Variants in PEX11G observed in about 807,000 individuals in gnomAD.
PEX11G encodes peroxisomal membrane protein 11C.
A neutral mutation model predicts 22.5 loss-of-function variants in PEX11G; 20 were observed. The ratio of observed to expected loss-of-function variants is 0.89; its 90% CI spans 0.62 to 1.29. The LOEUF is 1.29. Among genes scored for constraint, PEX11G ranks in the 50% most tolerant of loss-of-function variants. The pLI, the probability that PEX11G is intolerant of heterozygous loss-of-function variation, is 0.00. For synonymous variants in PEX11G, 141 were observed against 154.5 expected, an observed-to-expected ratio of 0.91 and a Z score of 0.65; for missense variants, 347 against 331.3, an observed-to-expected ratio of 1.05 and a Z score of -0.37.
At chr19:7,482,330 AGGCCT>A in intron 2 of PEX11G, 119 bp from the exon 3 acceptor site, 1 of 1,158,680 alleles carries the variant, frequency 8.6e-7, no homozygotes, top group East Asian at 2.6e-5. Flanking sequence ...GGCCGTGTCC[AGGCCT>A]GGCAGGCCCC....
Position 7,477,236 on chromosome 19 carries a change from C to CG in PEX11G, c.691dup (p.Arg231ProfsTer59). 1 of 1,543,568 alleles carries CG rather than the reference C, an allele frequency of 6.5e-7. No individual in the cohort carries two copies. Among genetic ancestry groups the CG allele is most frequent in the Non-Finnish European group, 8.7e-7 (1 of 1,149,586 alleles). ...AGTGGCCTCGGCCTGGCCGCCGGCC[C>CG]GGGCCGCCTGGTACATGCTGAGGAT... On this transcript the variant is annotated frameshift_variant, in exon 5 of 5. Coordinates refer to ENST00000221480, the MANE Select transcript of PEX11G (RefSeq NM_080662.4). LOFTEE classifies it low-confidence loss of function (END_TRUNC).
At chr19:7,490,562 A>T (rs1228751658), upstream of PEX11G, among the ~76,000 whole-genome samples, 5 of 122,926 alleles carry the variant, frequency 4.1e-5, no homozygotes, top group African/African-American at 1.6e-4. Flanking sequence ...GATGGTCTTG[A>T]TCTCCTGACC....
At chr19:7,494,625 C>T (rs2021945948) in intron 1 of PEX11G, among the ~76,000 whole-genome samples, 1 of 152,156 alleles carries the variant, frequency 6.6e-6, no homozygotes, top group Admixed American at 6.5e-5. Flanking sequence ...CAGCGTCCCC[C>T]ATCTGGCTAG....
chr19:7,477,110 A>G lies in PEX11G; in HGVS notation c.*92T>C. The G allele has an allele frequency of 8.1e-7, 1 of 1,233,664 alleles. No homozygotes were observed. Among genetic ancestry groups the G allele is most frequent in the Non-Finnish European group, 1.1e-6 (1 of 935,822 alleles). The allele number at this position is 1,233,664 out of a possible 1,614,324, so 76.4% of individuals were successfully genotyped here. A position where few individuals can be genotyped will look rare whatever the true frequency, so the allele number is the denominator to read the frequency against. On this transcript the variant is annotated 3_prime_UTR_variant, in exon 5 of 5. Transcript: ENST00000221480. ...CATGGGTTTCACCACAGGCAGCTCC[A>G]TGAGAGCCCCGGCCCCTGCCCTGGC...
rs750711022 is a variant in PEX11G at position 7,477,389 on chromosome 19, G to T, written c.539C>A (p.Ser180Ter). The change falls in exon 5 of 5, where the codon TCG becomes TAG. Residue 180 changes from serine (S) to a stop codon, truncating the protein, a stop_gained. Transcript: ENST00000221480. LOFTEE classifies it high-confidence loss of function. ...KRRAMEAQMQSEALSLLSNLA... is the reference protein window; with the variant it reads ...KRRAMEAQMQ Reference sequence around the variant, plus strand: ...GTTGCTGAGAAGTGACAGCGCCTCCGACTGCATCTGCGCCTCCATGGCCCT... The same window carrying T: ...GTTGCTGAGAAGTGACAGCGCCTCCTACTGCATCTGCGCCTCCATGGCCCT... 2 of 1,542,366 alleles carry T rather than the reference G, an allele frequency of 1.3e-6. No individual in the cohort carries two copies. Among genetic ancestry groups the T allele is most frequent in the Non-Finnish European group, 1.7e-6 (2 of 1,146,866 alleles).
chr19:7,485,805 C>T (rs2021619769), intron 2 of PEX11G, 33 bp downstream of exon 2: 2 of 1,555,130 alleles, frequency 1.3e-6, no homozygotes, highest in Admixed American at 1.8e-5. Flanking sequence ...CAGGTCCGCA[C>T]CCTACTCCCT....
chr19:7,484,349 G>C (rs773012161), intron 2 of PEX11G, among the ~76,000 whole-genome samples: 43 of 128,850 alleles, frequency 3.3e-4, no homozygotes, highest in Non-Finnish European at 5.7e-4. Context: ...GTGAGACCCT[G>C]TCTCCAAAAA....
intron 1 of PEX11G, among the ~76,000 whole-genome samples, chr19:7,486,986 G>A (rs1463533898): frequency 1.3e-5 from 2 of 151,844 alleles, no homozygotes; most frequent in African/African-American, 2.4e-5. Context: ...GTTCCAGACT[G>A]TAGTGAGCTG....
intron 4 of PEX11G, 73 bp downstream of exon 4, chr19:7,478,241 G>C: frequency 1.3e-6 from 2 of 1,505,174 alleles, no homozygotes; most frequent in East Asian, 2.4e-5. Context: ...CCTGCACAGG[G>C]GTGGCTGCGA....
chr19:7,488,660 G>C (rs1182129459), intron 1 of PEX11G, among the ~76,000 whole-genome samples: 1 of 152,218 alleles, frequency 6.6e-6, no homozygotes, highest in Non-Finnish European at 1.5e-5. Context: ...AAATAGCAGG[G>C]AGTGGTGGCG....
intron 2 of PEX11G, among the ~76,000 whole-genome samples, chr19:7,484,940 CAAAGAAG>C (rs1459299756): frequency 6.6e-6 from 1 of 152,128 alleles, no homozygotes; most frequent in Non-Finnish European, 1.5e-5. Flanking sequence ...CTGATCCTCT[CAAAGAAG>C]AAAGTGAAAT....
chr19:7,490,013 G>A (rs1020742460), upstream of PEX11G, among the ~76,000 whole-genome samples: 1 of 152,052 alleles, frequency 6.6e-6, no homozygotes, highest in Non-Finnish European at 1.5e-5. Context: ...GTGCACCACT[G>A]TGCCCGGCTA....
chr19:7,478,021 C>CA (rs1977308274), intron 4 of PEX11G, among the ~76,000 whole-genome samples: 2 of 152,062 alleles, frequency 1.3e-5, no homozygotes, highest in Admixed American at 6.6e-5. Context: ...GACCCTGTCT[C>CA]AAAAAACAAA....
chr19:7,488,986 A>G lies in PEX11G; in HGVS notation c.25T>C (p.Ser9Pro), dbSNP rs750791042. Residue 9 changes from serine to proline, a missense_variant, in exon 1 of 5, where the codon TCG (serine) becomes CCG (proline). Ser to Pro is a moderately conservative substitution (Grantham distance 74, BLOSUM62 -1). Transcript: ENST00000221480. ...CGGCCCCTGTACGACTCCAGCGCCGACGCCAGGCCGCTCAGCGACGCCATG... is the reference window on the plus strand; with the variant it reads ...CGGCCCCTGTACGACTCCAGCGCCGGCGCCAGGCCGCTCAGCGACGCCATG... MASLSGLA[S>P]ALESYRGRDR... 23 of 1,548,204 alleles carry G rather than the reference A, an allele frequency of 1.5e-5. No homozygotes were observed. The highest frequency in any genetic ancestry group is 1.2e-4 in the Admixed American group (6 of 52,046).
chr19:7,478,451 C>A, intron 3 of PEX11G, 75 bp from the exon 4 acceptor site: 1 of 1,475,130 alleles, frequency 6.8e-7, no homozygotes, highest in East Asian at 2.4e-5. Flanking sequence ...TGGCCCCGGA[C>A]ATACAGTCTG....
chr19:7,477,609 C>T (rs1047373401), intron 4 of PEX11G, among the ~76,000 whole-genome samples, 173 bp from the exon 5 acceptor site: 1 of 152,318 alleles, frequency 6.6e-6, no homozygotes, highest in East Asian at 1.9e-4. Context: ...CCCCATCACC[C>T]CCCCGACCCA....
intron 4 of PEX11G, 71 bp downstream of exon 4, chr19:7,478,243 T>A: frequency 6.6e-7 from 1 of 1,516,004 alleles, no homozygotes; most frequent in Non-Finnish European, 9.0e-7. Context: ...TGCACAGGGG[T>A]GGCTGCGAGC....
chr19:7,478,409 G>A (rs370413123), intron 3 of PEX11G, 33 bp from the exon 4 acceptor site: 37 of 1,591,158 alleles, frequency 2.3e-5, no homozygotes, highest in Middle Eastern at 3.4e-4. Context: ...AGGATGCCCC[G>A]GCGGGGAGCA....
At chr19:7,485,193 G>C (rs986283845) in intron 2 of PEX11G, among the ~76,000 whole-genome samples, 3 of 152,112 alleles carry the variant, frequency 2.0e-5, no homozygotes. Flanking sequence ...ATTTGAGATG[G>C]AGTCTCGCTC....
Sources: gnomAD v4.1 joint callset for allele counts (sites outside exome capture counted in the v4.1 genomes callset) on GRCh38, gnomAD v4.1.1 for gene constraint, MANE v1.5 for transcripts, NCBI Gene and HGNC (gene_info 2026-07-23, HGNC 2026-07-21) for gene names.